THRB: variants seen among roughly 807,000 people sequenced by gnomAD.
THRB encodes the protein nuclear receptor subfamily 1 group A member 2.
A neutral mutation model predicts 47.8 loss-of-function variants in THRB; 12 were observed. The observed-to-expected ratio is 0.25, with a 90% CI of 0.16 to 0.41. The LOEUF (loss-of-function observed/expected upper bound fraction) is 0.41, where lower values mean the gene tolerates loss of function less well. THRB is among the 10% of genes least tolerant of loss of function. THRB has a pLI of 1.00. For missense variants in THRB, 348 were observed against 589.2 expected (o/e 0.59, Z 4.24); for synonymous variants, 218 against 212.2 (o/e 1.03, Z -0.24).
chr3:24,227,077 C>G (rs146550588), intron 4 of THRB, among the ~76,000 whole-genome samples: 147 of 152,190 alleles, frequency 9.7e-4, no homozygotes, highest in African/African-American at 3.5e-3. Context: ...ACTTTTACAC[C>G]ATGTTTTGCC....
intron 5 of THRB, among the ~76,000 whole-genome samples, chr3:24,181,823 G>A (rs946528694): frequency 6.6e-6 from 1 of 152,180 alleles, no homozygotes; most frequent in African/African-American, 2.4e-5. Context: ...ACCCTGCCAA[G>A]AGTAAAAGGA....
chr3:24,351,835 G>A (rs1281609148), intron 1 of THRB, among the ~76,000 whole-genome samples: 1 of 152,104 alleles, frequency 6.6e-6, no homozygotes, highest in African/African-American at 2.4e-5. Flanking sequence ...ATGGTGACCG[G>A]GACTAAGTGC....
At chr3:24,272,592 C>A (rs2053470031) in intron 3 of THRB, among the ~76,000 whole-genome samples, 1 of 152,108 alleles carries the variant, frequency 6.6e-6, no homozygotes, top group Non-Finnish European at 1.5e-5. Flanking sequence ...TACATCTTTT[C>A]CCTGGCAAGG....
chr3:24,212,427 C>G (rs928014748), intron 4 of THRB, among the ~76,000 whole-genome samples: 1 of 147,186 alleles, frequency 6.8e-6, no homozygotes, highest in Non-Finnish European at 1.5e-5. Context: ...AAAAACGAAA[C>G]GAAAATTAGC....
chr3:24,221,883 GT>G (rs2150011895), intron 4 of THRB, among the ~76,000 whole-genome samples: 2 of 152,268 alleles, frequency 1.3e-5, no homozygotes, highest in Non-Finnish European at 2.9e-5. Context: ...TCTGTAGTAA[GT>G]TTCTCTTCCA....
chr3:24,415,432 C>G (rs2068657190), intron 1 of THRB, among the ~76,000 whole-genome samples: 1 of 151,790 alleles, frequency 6.6e-6, no homozygotes, highest in African/African-American at 2.4e-5. Context: ...GAATCTATCC[C>G]CTTTTGATTT....
chr3:24,465,947 C>T (rs899653969), intron 1 of THRB, among the ~76,000 whole-genome samples: 2 of 152,108 alleles, frequency 1.3e-5, no homozygotes, highest in African/African-American at 4.8e-5. Flanking sequence ...CCTTCCATTT[C>T]TTCCTTCCTA....
At position 24,373,056 on chromosome 3, in the gene THRB, C is replaced by A. The variant is rs143394371; in HGVS notation, c.-260-35685G>T. Among the ~76,000 whole-genome samples, 507 of 152,128 alleles carry A rather than the reference C, an allele frequency of 3.3e-3. 5 individuals are homozygous for A. Among genetic ancestry groups the A allele is most frequent in the African/African-American group, 0.012 (480 of 41,516 alleles). Reference sequence around the variant, plus strand: ...TGGGCAAGACTCTGGAGTCCCCCAGCAAATGTGAATTAAAACCCTTTGTAT... The same window carrying A: ...TGGGCAAGACTCTGGAGTCCCCCAGAAAATGTGAATTAAAACCCTTTGTAT... On this transcript the variant is annotated intron_variant, in intron 1 of 10. Transcript: ENST00000646209.
At chr3:24,158,206 G>A (rs1038709561) in intron 5 of THRB, among the ~76,000 whole-genome samples, 2 of 152,156 alleles carry the variant, frequency 1.3e-5, no homozygotes, top group African/African-American at 4.8e-5. Context: ...TTCTCACAGT[G>A]TAACGATCAA....
intron 1 of THRB, among the ~76,000 whole-genome samples, chr3:24,351,163 C>A (rs1464857371): frequency 6.6e-6 from 1 of 151,764 alleles, no homozygotes; most frequent in African/African-American, 2.4e-5. Flanking sequence ...TTTTCTCTTC[C>A]CATTGGCTTC....
At chr3:24,312,711 G>C (rs896849559) in intron 2 of THRB, among the ~76,000 whole-genome samples, 3 of 152,194 alleles carry the variant, frequency 2.0e-5, no homozygotes, top group Non-Finnish European at 4.4e-5. Context: ...TGGTGAGTGA[G>C]GGGGAGAAGA....
chr3:24,315,423 T>A (rs1181539673), intron 2 of THRB, among the ~76,000 whole-genome samples: 1 of 152,178 alleles, frequency 6.6e-6, no homozygotes, highest in Non-Finnish European at 1.5e-5. Context: ...CAATTATATG[T>A]TCTTGAAATG....
chr3:24,280,994 C>G (rs1312239176), intron 3 of THRB, among the ~76,000 whole-genome samples: 2 of 152,102 alleles, frequency 1.3e-5, no homozygotes, highest in Non-Finnish European at 2.9e-5. Flanking sequence ...GAGAATGGAA[C>G]CAAGTTGGAA....
chr3:24,276,822 G>A (rs2053965637), intron 3 of THRB, among the ~76,000 whole-genome samples: 1 of 152,260 alleles, frequency 6.6e-6, no homozygotes, highest in Non-Finnish European at 1.5e-5. Context: ...TGTGCTCAGG[G>A]AAGCCTGAAT....
intron 4 of THRB, among the ~76,000 whole-genome samples, chr3:24,200,514 ATTC>A (rs1044613781): frequency 2.0e-5 from 3 of 152,216 alleles, no homozygotes; most frequent in Admixed American, 6.5e-5. Context: ...AAACACCCAT[ATTC>A]TTTCAACAGA....
chr3:24,169,187 G>A (rs766620948), intron 5 of THRB, among the ~76,000 whole-genome samples: 7 of 151,980 alleles, frequency 4.6e-5, no homozygotes, highest in Non-Finnish European at 7.4e-5. Context: ...AAAACTATAC[G>A]TCCCAGTTTC....
At chr3:24,389,502 T>C (rs958368790) in intron 1 of THRB, among the ~76,000 whole-genome samples, 3 of 152,214 alleles carry the variant, frequency 2.0e-5, no homozygotes, top group Non-Finnish European at 4.4e-5. Context: ...GTTGTCAGAA[T>C]TTCATTTTAA....
intron 1 of THRB, among the ~76,000 whole-genome samples, chr3:24,375,788 A>C (rs189898995): frequency 1.4e-4 from 21 of 151,738 alleles, no homozygotes; most frequent in South Asian, 1.0e-3. Context: ...CTGGAATTTG[A>C]TTTTCTTTTC....
intron 2 of THRB, among the ~76,000 whole-genome samples, chr3:24,325,839 A>G (rs1235216370): frequency 6.6e-6 from 1 of 152,232 alleles, no homozygotes; most frequent in Non-Finnish European, 1.5e-5. Flanking sequence ...AACATGTAAT[A>G]AATCATAATA....
Sources: allele counts gnomAD v4.1 joint callset (sites outside exome capture counted in the v4.1 genomes callset), GRCh38; gene constraint gnomAD v4.1.1; transcripts MANE v1.5; gene names NCBI Gene and HGNC (gene_info 2026-07-23, HGNC 2026-07-21).